The following MACROD2 variants were observed in gnomAD, a reference collection of about 807,000 sequenced individuals.
MACROD2 encodes ADP-ribose glycohydrolase MACROD2.
In MACROD2, 36 loss-of-function variants were observed where a neutral mutation model predicts 70.4. The observed-to-expected ratio is 0.51, with a 90% CI of 0.39 to 0.68. The LOEUF (loss-of-function observed/expected upper bound fraction) is 0.68, where lower values mean the gene tolerates loss of function less well. Among genes scored for constraint, MACROD2 ranks in the 30% least tolerant of loss-of-function variants. MACROD2 has a pLI of 0.00. For missense variants in MACROD2, 496 were observed against 538.4 expected (o/e 0.92, Z 0.78); for synonymous variants, 172 against 178.8 (o/e 0.96, Z 0.30).
At chr20:14,223,537 T>C (rs2081702045) in intron 3 of MACROD2, among the ~76,000 whole-genome samples, 1 of 143,822 alleles carries the variant, frequency 7.0e-6, no homozygotes, top group South Asian at 2.2e-4. Context: ...AGACGGAGTC[T>C]CACCCTGTTG....
At chr20:14,342,922 C>G (rs1326255982) in intron 3 of MACROD2, among the ~76,000 whole-genome samples, 1 of 151,996 alleles carries the variant, frequency 6.6e-6, no homozygotes, top group African/African-American at 2.4e-5. Flanking sequence ...TTCCCCAACA[C>G]TCATGTTGGA....
At chr20:15,230,677 A>C (rs2076952434) in intron 6 of MACROD2, among the ~76,000 whole-genome samples, 1 of 152,170 alleles carries the variant, frequency 6.6e-6, no homozygotes, top group Non-Finnish European at 1.5e-5. Flanking sequence ...AAGGGAGTTC[A>C]GAAAATGTGG....
At chr20:14,076,158 G>A (rs1200097223) in intron 2 of MACROD2, among the ~76,000 whole-genome samples, 1 of 152,066 alleles carries the variant, frequency 6.6e-6, no homozygotes, top group Non-Finnish European at 1.5e-5. Context: ...GCGGCTATCT[G>A]CGTATTTGTT....
chr20:14,149,171 TTATATC>T (rs754791759), intron 3 of MACROD2, among the ~76,000 whole-genome samples: 3 of 147,990 alleles, frequency 2.0e-5, no homozygotes, highest in Non-Finnish European at 4.5e-5. Context: ...GCTGCCATCT[TTATATC>T]TATAAGTACC....
At chr20:15,483,688 C>T (rs765306068) in intron 7 of MACROD2, among the ~76,000 whole-genome samples, 3 of 152,084 alleles carry the variant, frequency 2.0e-5, no homozygotes, top group East Asian at 3.8e-4. Flanking sequence ...GTATTTCTAT[C>T]CATGCACATA....
intron 5 of MACROD2, among the ~76,000 whole-genome samples, chr20:14,916,687 T>A (rs1401200190): frequency 6.6e-6 from 1 of 152,070 alleles, no homozygotes; most frequent in Non-Finnish European, 1.5e-5. Flanking sequence ...GAGATGTGGG[T>A]GTATGCATGT....
chr20:14,252,668 T>C (rs1379185253), intron 3 of MACROD2, among the ~76,000 whole-genome samples: 1 of 152,054 alleles, frequency 6.6e-6, no homozygotes, highest in African/African-American at 2.4e-5. Context: ...AATGAATGAA[T>C]GATGAATGAT....
rs572261348 is a variant in MACROD2 at position 14,336,024 on chromosome 20, C to T, written c.272-157455C>T. Among the ~76,000 whole-genome samples the T allele has an allele frequency of 1.3e-4, 20 of 151,972 alleles. 1 individual carries two copies. The highest frequency in any genetic ancestry group is 2.6e-4 in the Admixed American group (4 of 15,242). ...AGGATTAATTTTTCTTTACTCATTT[C>T]GGAAGAGATGAATATTAGTCATCTG... On this transcript the variant is annotated intron_variant, in intron 3 of 17. Coordinates refer to ENST00000684519, the MANE Select transcript of MACROD2 (RefSeq NM_001351661.2).
At chr20:15,426,872 GAA>G (rs1339396428) in intron 6 of MACROD2, among the ~76,000 whole-genome samples, 1 of 152,068 alleles carries the variant, frequency 6.6e-6, no homozygotes, top group Non-Finnish European at 1.5e-5. Flanking sequence ...ATGCAGCTTT[GAA>G]ATAAAGAAAT....
At chr20:15,360,646 AG>A (rs2078341302) in intron 6 of MACROD2, among the ~76,000 whole-genome samples, 1 of 152,128 alleles carries the variant, frequency 6.6e-6, no homozygotes, top group South Asian at 2.1e-4. Context: ...ACTGCCACAC[AG>A]TTTTCCAGCA....
intron 6 of MACROD2, among the ~76,000 whole-genome samples, chr20:15,268,786 A>C (rs1251885714): frequency 2.0e-5 from 3 of 152,202 alleles, no homozygotes; most frequent in Non-Finnish European, 4.4e-5. Context: ...TAAATAAATG[A>C]GTTAACTAAT....
At chr20:14,067,946 G>A (rs2053787048) in intron 2 of MACROD2, among the ~76,000 whole-genome samples, 2 of 152,138 alleles carry the variant, frequency 1.3e-5, no homozygotes, top group Non-Finnish European at 2.9e-5. Flanking sequence ...CAGTTTTCTT[G>A]AGTTACCTCA....
chr20:15,791,792 T>C (rs2147057093), intron 8 of MACROD2, among the ~76,000 whole-genome samples: 1 of 152,112 alleles, frequency 6.6e-6, no homozygotes, highest in African/African-American at 2.4e-5. Flanking sequence ...TTAGTAAAAT[T>C]AGAGATACAG....
At chr20:14,426,754 C>T (rs886185003) in intron 3 of MACROD2, among the ~76,000 whole-genome samples, 1 of 152,158 alleles carries the variant, frequency 6.6e-6, no homozygotes, top group Admixed American at 6.6e-5. Context: ...CTAGCATCTT[C>T]AGAGCCCCCA....
rs1444587283 is a variant in MACROD2, at chr20:15,216,409, T to A, written c.419-13531T>A. On this transcript the variant is annotated intron_variant, in intron 5 of 17. Coordinates refer to ENST00000684519, the MANE Select transcript of MACROD2 (RefSeq NM_001351661.2). The stretch of plus-strand genomic sequence containing the variant: ...GGATAAATAGGAAGTTGATAAAACT[T>A]CTGGAAAGGAGAAAAAATAAAAATA... 2.0e-5 allele frequency among the ~76,000 whole-genome samples: 3 copies of A among 152,142 alleles called. No homozygotes were observed. The East Asian group carries it at 5.8e-4, about 29-fold the overall frequency.
At chr20:15,309,863 TAA>T in intron 6 of MACROD2, among the ~76,000 whole-genome samples, 1 of 152,278 alleles carries the variant, frequency 6.6e-6, no homozygotes, top group East Asian at 1.9e-4. Context: ...AAGAAGCGAA[TAA>T]AGATTTTAAG....
chr20:14,840,844 G>T (rs2073079325), intron 5 of MACROD2, among the ~76,000 whole-genome samples: 1 of 152,032 alleles, frequency 6.6e-6, no homozygotes, highest in Admixed American at 6.6e-5. Flanking sequence ...ATAGGTTTCA[G>T]GATGAAAAAT....
At chr20:15,198,704 A>G (rs997149680) in intron 5 of MACROD2, among the ~76,000 whole-genome samples, 3 of 152,046 alleles carry the variant, frequency 2.0e-5, no homozygotes, top group Non-Finnish European at 4.4e-5. Flanking sequence ...TTTTTTCCCA[A>G]TTTCTCTTTT....
intron 5 of MACROD2, among the ~76,000 whole-genome samples, chr20:15,202,952 T>G (rs2076669304): frequency 6.6e-6 from 1 of 152,156 alleles, no homozygotes; most frequent in Non-Finnish European, 1.5e-5. Flanking sequence ...TGTAACATTT[T>G]ATTCCTGGCA....
Sources: gnomAD v4.1 joint callset for allele counts (sites outside exome capture counted in the v4.1 genomes callset) on GRCh38, gnomAD v4.1.1 for gene constraint, MANE v1.5 for transcripts, NCBI Gene and HGNC (gene_info 2026-07-23, HGNC 2026-07-21) for gene names.